Variants in DISC1 observed in about 807,000 individuals in gnomAD.
The protein encoded by DISC1 is disrupted in schizophrenia 1 protein.
A neutral mutation model predicts 84.5 loss-of-function variants in DISC1; 57 were observed. The ratio of observed to expected loss-of-function variants is 0.67; its 90% CI spans 0.55 to 0.84. DISC1 has a LOEUF of 0.84. Ranked by LOEUF, DISC1 falls within the 40% of genes least tolerant of loss-of-function variation. The pLI is 0.00. For missense variants in DISC1, 1,000 were observed against 1,057.8 expected, an observed-to-expected ratio of 0.95 and a Z score of 0.76; for synonymous variants, 411 against 415.2, an observed-to-expected ratio of 0.99 and a Z score of 0.12.
intron 3 of DISC1, among the ~76,000 whole-genome samples, chr1:231,743,113 G>A (rs1377616004): frequency 1.3e-5 from 2 of 152,172 alleles, no homozygotes; most frequent in African/African-American, 2.4e-5. Flanking sequence ...ATCTGGCAGT[G>A]GATGGGTATA....
At chr1:231,679,449 A>G (rs1253076958) in intron 1 of DISC1, among the ~76,000 whole-genome samples, 2 of 152,224 alleles carry the variant, frequency 1.3e-5, no homozygotes, top group Non-Finnish European at 2.9e-5. Flanking sequence ...CCTTATTTTA[A>G]TAATTTAAAA....
intron 3 of DISC1, 84 bp from the exon 4 acceptor site, chr1:231,749,842 C>T (rs1199375279): frequency 1.3e-6 from 2 of 1,583,594 alleles, no homozygotes; most frequent in African/African-American, 1.3e-5. Context: ...AGGTTCACTA[C>T]AACTGGAGCT....
intron 4 of DISC1, among the ~76,000 whole-genome samples, chr1:231,762,470 G>T (rs540947617): frequency 6.6e-6 from 1 of 150,638 alleles, no homozygotes; most frequent in Non-Finnish European, 1.5e-5. Context: ...AAGTAGCTGG[G>T]ACTACAAGCA....
At position 232,008,952 on chromosome 1, in the gene DISC1, A is replaced by C. The variant is rs367601523; in HGVS notation, c.2210A>C (p.His737Pro). 8 of 1,613,660 alleles carry C rather than the reference A, an allele frequency of 5.0e-6. No individual in the cohort carries two copies. The highest frequency in any genetic ancestry group is 6.8e-6 in the Non-Finnish European group (8 of 1,179,854). ...GAAPPIPPRL[H>P]SEDKRKTPLK... ...GCTCCTCCTATTCCCCCCAGGCTCC[A>C]CTCCGAGGATAAAAGGAAGACCCCT... Residue 737 changes from histidine to proline, a missense_variant, in exon 11 of 13, where the codon CAC (histidine) becomes CCC (proline). Physicochemically the swap from His to Pro is moderately conservative, Grantham distance 77 (BLOSUM62 -2). Around this residue, in one of 3 missense-constraint regions of DISC1, gnomAD observed 397 missense variants for 377.5 expected, o/e 1.05. Coordinates refer to ENST00000439617, the MANE Select transcript of DISC1 (RefSeq NM_018662.3).
chr1:231,902,618 C>T (rs933951784), intron 9 of DISC1, among the ~76,000 whole-genome samples: 1 of 151,902 alleles, frequency 6.6e-6, no homozygotes, highest in Non-Finnish European at 1.5e-5. Flanking sequence ...AAACAAAACT[C>T]ATTATCTTAG....
chr1:231,644,955 A>C (rs2125224061), intron 1 of DISC1, among the ~76,000 whole-genome samples: 1 of 151,824 alleles, frequency 6.6e-6, no homozygotes, highest in African/African-American at 2.4e-5. Flanking sequence ...CATCCTCATC[A>C]TGCATGCAGG....
At chr1:231,990,532 C>T (rs945769978) in intron 10 of DISC1, among the ~76,000 whole-genome samples, 5 of 152,180 alleles carry the variant, frequency 3.3e-5, no homozygotes, top group African/African-American at 1.2e-4. Context: ...TGTCAAATTC[C>T]TCACTGCTTC....
At position 231,892,671 on chromosome 1, in the gene DISC1, TA is replaced by T. The variant is rs35179993; in HGVS notation, c.1982-66146del. On this transcript the variant is annotated intron_variant, in intron 9 of 12. Coordinates refer to ENST00000439617, the MANE Select transcript of DISC1 (RefSeq NM_018662.3). Reference sequence around the variant, plus strand: ...AAATGAATATAAAAACAGGCAATTATAAAAAAAAAAATGGTAAGTCTGCTGA... The same window carrying T: ...AAATGAATATAAAAACAGGCAATTATAAAAAAAAAATGGTAAGTCTGCTGA... Among the ~76,000 whole-genome samples, 244 of 145,796 alleles carry T rather than the reference TA, an allele frequency of 1.7e-3. 1 individual carries two copies. Among genetic ancestry groups the T allele is most frequent in the East Asian group, 5.4e-3 (27 of 4,978 alleles).
intron 9 of DISC1, among the ~76,000 whole-genome samples, chr1:231,917,042 C>G (rs956575866): frequency 6.6e-6 from 1 of 152,114 alleles, no homozygotes; most frequent in African/African-American, 2.4e-5. Flanking sequence ...CACCCTCTTT[C>G]GGGGTACGAC....
rs2059057932 is a variant in DISC1, at chr1:231,634,852, A to T, written c.67+7918A>T. Among the ~76,000 whole-genome samples the T allele has an allele frequency of 2.0e-5, 3 of 151,934 alleles. No homozygotes were observed. The South Asian group carries it at 6.2e-4, about 32-fold the overall frequency. ...CTTGAGGCCAGGAGTTCAAGGTGGC[A>T]GTGCGCTATGCTTGTGCCTACAAAT... is the stretch of plus-strand genomic sequence containing the variant. On this transcript the variant is annotated intron_variant, in intron 1 of 12. Coordinates refer to ENST00000439617, the MANE Select transcript of DISC1 (RefSeq NM_018662.3).
intron 8 of DISC1, among the ~76,000 whole-genome samples, chr1:231,805,002 T>A (rs772279772): frequency 3.3e-5 from 5 of 152,160 alleles, no homozygotes; most frequent in Non-Finnish European, 5.9e-5. Context: ...AAAAGTAGGC[T>A]AGTATAGGAA....
intron 1 of DISC1, among the ~76,000 whole-genome samples, chr1:231,683,618 C>T (rs113673850): frequency 2.4e-4 from 37 of 151,400 alleles, no homozygotes; most frequent in African/African-American, 7.8e-4. Context: ...ACCAACCCCT[C>T]CTGGAATCCC....
At chr1:231,959,246 G>A (rs751607570) in intron 10 of DISC1, 98 of 1,003,042 alleles carry the variant, frequency 9.8e-5, no homozygotes, top group Non-Finnish European at 1.2e-4. Flanking sequence ...GGATTTTAAG[G>A]CGGTTTATAC....
At chr1:231,670,046 A>G (rs2125447982) in intron 1 of DISC1, among the ~76,000 whole-genome samples, 1 of 152,290 alleles carries the variant, frequency 6.6e-6, no homozygotes, top group Middle Eastern at 3.4e-3. Flanking sequence ...CAGCCATAAA[A>G]AAGAATGCGA....
chr1:231,672,639 T>C (rs12030517), intron 1 of DISC1, among the ~76,000 whole-genome samples: 44,381 of 152,118 alleles, frequency 0.29, 7,682 homozygotes, highest in East Asian at 0.59. Context: ...ATTTTTCTTA[T>C]TGCTTTGTGA....
rs1658987525 is a variant in DISC1 at position 231,954,216 on chromosome 1, T to C, written c.1982-4612T>C. ...GTGCACTCCAGTGAGAAATCAGTGT[T>C]AAAGAGGCTGGTCCCACAGCTATCT... On this transcript the variant is annotated intron_variant, in intron 9 of 12. Coordinates refer to ENST00000439617, the MANE Select transcript of DISC1 (RefSeq NM_018662.3). This position sits in a 1 kb window ranked among gnomAD's most constrained non-coding sequence, Gnocchi z 4.8. Among the ~76,000 whole-genome samples, 1 of 152,210 alleles carries C rather than the reference T, an allele frequency of 6.6e-6. No homozygotes were observed. Among genetic ancestry groups the C allele is most frequent in the South Asian group, 2.1e-4 (1 of 4,830 alleles).
At chr1:231,713,567 A>G (rs2068151804) in intron 3 of DISC1, among the ~76,000 whole-genome samples, 1 of 151,762 alleles carries the variant, frequency 6.6e-6, no homozygotes, top group African/African-American at 2.4e-5. Context: ...AGAAGAAAGA[A>G]TCAGTGGACT....
chr1:231,879,843 A>G (rs1363566462), intron 9 of DISC1, among the ~76,000 whole-genome samples: 3 of 152,228 alleles, frequency 2.0e-5, no homozygotes, highest in Non-Finnish European at 2.9e-5. Flanking sequence ...TTAAGAGTAC[A>G]TAATTTGAGG....
chr1:232,000,473 C>T (rs1008952786), intron 10 of DISC1, among the ~76,000 whole-genome samples: 1 of 152,028 alleles, frequency 6.6e-6, no homozygotes, highest in African/African-American at 2.4e-5. Flanking sequence ...AAAGATCCAC[C>T]ATTTATATCA....
Sources: gnomAD v4.1 joint callset for allele counts (sites outside exome capture counted in the v4.1 genomes callset) on GRCh38, gnomAD v4.1.1 for gene constraint, gnomAD v4.1.1 regional missense constraint, Gnocchi (gnomAD v3.1) non-coding constraint, MANE v1.5 for transcripts, NCBI Gene and HGNC (gene_info 2026-07-23, HGNC 2026-07-21) for gene names.